Variants in ICA1 observed in about 807,000 individuals in gnomAD.
ICA1 encodes islet cell autoantigen 1.
Under a neutral mutation model 71.0 loss-of-function variants are expected in ICA1, and 40 were observed. The ratio of observed to expected loss-of-function variants is 0.56; its 90% CI spans 0.44 to 0.73. The LOEUF (loss-of-function observed/expected upper bound fraction) is 0.73. ICA1 is among the 30% of genes least tolerant of loss of function. The probability of loss-of-function intolerance (pLI) is 0.00; values close to 1 mark genes in which losing one functional copy is unlikely to be tolerated. For missense variants in ICA1, 578 were observed against 576.5 expected (o/e 1.00, Z -0.03); for synonymous variants, 207 against 209.5 (o/e 0.99, Z 0.10).
chr7:8,202,393 C>T (rs148840350), intron 6 of ICA1, among the ~76,000 whole-genome samples: 22 of 152,276 alleles, frequency 1.4e-4, no homozygotes, highest in Admixed American at 2.0e-4. Context: ...GGAGTTTTAA[C>T]GAGCCCATTC....
intron 6 of ICA1, among the ~76,000 whole-genome samples, chr7:8,201,405 C>T (rs1284036514): frequency 6.6e-6 from 1 of 152,172 alleles, no homozygotes; most frequent in Non-Finnish European, 1.5e-5. Context: ...AGGGACAAAT[C>T]CTGCCCACCC....
chr7:8,221,438 CA>C (rs776069387), intron 4 of ICA1, 40 bp from the exon 5 acceptor site: 7 of 1,605,682 alleles, frequency 4.4e-6, no homozygotes, highest in Non-Finnish European at 4.3e-6. Flanking sequence ...GAACAATGAG[CA>C]TTTTGATTGC....
At chr7:8,225,225 C>A (rs1303593727) in intron 4 of ICA1, among the ~76,000 whole-genome samples, 1 of 152,164 alleles carries the variant, frequency 6.6e-6, no homozygotes, top group African/African-American at 2.4e-5. Flanking sequence ...TTCCCTCATT[C>A]TTTCTATTAA....
At chr7:8,214,061 G>C (rs1245845656) in intron 6 of ICA1, among the ~76,000 whole-genome samples, 4 of 152,172 alleles carry the variant, frequency 2.6e-5, no homozygotes, top group Non-Finnish European at 4.4e-5. Flanking sequence ...TGGTCCGCTT[G>C]TCCTTGTCTA....
chr7:8,113,773 T>G lies in ICA1; in HGVS notation c.*150A>C. The stretch of plus-strand genomic sequence containing the variant: ...TTTATACCAAATAAGAGTAAATAAT[T>G]ATACCAATATAAACAGGGCCGTTGA... On this transcript the variant is annotated 3_prime_UTR_variant, in exon 14 of 14. Coordinates refer to ENST00000402384, the MANE Select transcript of ICA1 (RefSeq NM_001136020.3). This position sits in a 1 kb window ranked among gnomAD's most constrained non-coding sequence, Gnocchi z 4.2. 9.5e-6 allele frequency: 7 copies of G among 740,652 alleles called. No homozygotes were observed. Among genetic ancestry groups the G allele is most frequent in the Non-Finnish European group, 1.6e-5 (7 of 451,442 alleles). The allele number at this position is 740,652 out of a possible 1,614,324, so 45.9% of individuals were successfully genotyped here. A position where few individuals can be genotyped will look rare whatever the true frequency, so the allele number is the denominator to read the frequency against.
rs75343532 is a variant in ICA1, at chr7:8,142,774, C to A, written c.903-957G>T. 8.7e-3 allele frequency among the ~76,000 whole-genome samples: 1,328 copies of A among 152,292 alleles called. 13 individuals carry two copies. Among genetic ancestry groups the A allele is most frequent in the African/African-American group, 0.031 (1,276 of 41,564 alleles). On this transcript the variant is annotated intron_variant, in intron 9 of 13. Coordinates refer to ENST00000402384, the MANE Select transcript of ICA1 (RefSeq NM_001136020.3). ...GTATCTGGTTCATAGTAGGTGCTCA[C>A]TAAAATGATAGCTAGCACTATTACC...
At chr7:8,147,124 G>A (rs762660052) in intron 8 of ICA1, among the ~76,000 whole-genome samples, 4 of 152,014 alleles carry the variant, frequency 2.6e-5, no homozygotes, top group South Asian at 2.1e-4. Flanking sequence ...GCTCTCAGCC[G>A]GCCCTGTCTA....
At chr7:8,184,950 T>G (rs1783425177) in intron 6 of ICA1, among the ~76,000 whole-genome samples, 1 of 152,072 alleles carries the variant, frequency 6.6e-6, no homozygotes, top group Non-Finnish European at 1.5e-5. Context: ...GGCGTGCGCC[T>G]ATAGTCCTAG....
intron 12 of ICA1, among the ~76,000 whole-genome samples, chr7:8,135,242 G>C (rs752206225): frequency 6.6e-6 from 1 of 152,134 alleles, no homozygotes; most frequent in Non-Finnish European, 1.5e-5. Flanking sequence ...GGCAAGGCTG[G>C]TCTCGAACTC....
In ICA1 at chr7:8,128,068, T is replaced by G; in HGVS notation, c.1135A>C (p.Ile379Leu). Residue 379 changes from isoleucine to leucine, a missense_variant, in exon 13 of 14, where the codon ATC (isoleucine) becomes CTC (leucine). Ile to Leu is a conservative substitution (Grantham distance 5). Coordinates refer to ENST00000402384, the MANE Select transcript of ICA1 (RefSeq NM_001136020.3). ...DKDDLLLLSE[I>L]FNASSLEEGE... ...TCTTCCAAGGAGGAAGCATTGAAGA[T>G]CTCACTCAACAGCAGCAGGTCATCT... The G allele has an allele frequency of 6.2e-7, 1 of 1,614,178 alleles. No individual in the cohort carries two copies. The highest frequency in any genetic ancestry group is 2.2e-5 in the East Asian group (1 of 44,882).
chr7:8,139,480 A>G lies in ICA1; in HGVS notation c.956-433T>C, dbSNP rs115216051. On this transcript the variant is annotated intron_variant, in intron 10 of 13. Transcript: ENST00000402384. ...ACATTTTGGAAAAGACAAAACTATG[A>G]GGACAGTAAGAAGATCAGCATTTGC... Among the ~76,000 whole-genome samples, 803 of 152,348 alleles carry G rather than the reference A, an allele frequency of 5.3e-3. 14 individuals are homozygous for G. Among genetic ancestry groups the G allele is most frequent in the African/African-American group, 0.019 (774 of 41,576 alleles).
At chr7:8,210,695 G>C (rs376463897) in intron 6 of ICA1, among the ~76,000 whole-genome samples, 1 of 151,786 alleles carries the variant, frequency 6.6e-6, no homozygotes, top group Admixed American at 6.6e-5. Flanking sequence ...AACCATTATA[G>C]CCAAAGGAAA....
intron 6 of ICA1, among the ~76,000 whole-genome samples, chr7:8,208,323 C>T (rs771425202): frequency 1.3e-5 from 2 of 152,080 alleles, no homozygotes; most frequent in Non-Finnish European, 2.9e-5. Flanking sequence ...TATTGGCATT[C>T]GGGAAACAGT....
At chr7:8,250,367 T>C (rs1178618477) in intron 1 of ICA1, among the ~76,000 whole-genome samples, 7 of 152,216 alleles carry the variant, frequency 4.6e-5, no homozygotes, top group African/African-American at 1.7e-4. Context: ...ATTCATCAAA[T>C]CCTGTTCTCA....
intron 6 of ICA1, among the ~76,000 whole-genome samples, chr7:8,188,187 A>G (rs1784469269): frequency 6.6e-6 from 1 of 152,234 alleles, no homozygotes; most frequent in South Asian, 2.1e-4. Context: ...TCCAGTTATA[A>G]TTATCAAACT....
intron 1 of ICA1, among the ~76,000 whole-genome samples, chr7:8,240,340 G>C (rs113777374): frequency 0.035 from 5,263 of 152,222 alleles, 164 homozygotes; most frequent in African/African-American, 0.082. Context: ...CTGTTAGAAG[G>C]AAAACTAACA....
At chr7:8,210,593 C>G (rs975263350) in intron 6 of ICA1, among the ~76,000 whole-genome samples, 1 of 150,354 alleles carries the variant, frequency 6.7e-6, no homozygotes, top group Non-Finnish European at 1.5e-5. Context: ...AAATTATGCT[C>G]AAAAGACAAT....
chr7:8,122,543 C>G (rs979927139), intron 13 of ICA1, among the ~76,000 whole-genome samples: 1 of 152,242 alleles, frequency 6.6e-6, no homozygotes, highest in Admixed American at 6.5e-5. Context: ...CGTTCCATTG[C>G]CTTGTGCTGA....
In ICA1 at chr7:8,157,115, C is replaced by A; in HGVS notation, c.804+1G>T. On this transcript the variant is annotated splice_donor_variant, in intron 8 of 13. Coordinates refer to ENST00000402384, the MANE Select transcript of ICA1 (RefSeq NM_001136020.3). LOFTEE classifies it high-confidence loss of function. ...TCTAGTGGCCCCTCTAGCTTCCATA[C>A]CTTTAAAGTAGTAAATTCATATGGT... The A allele has an allele frequency of 1.2e-6, 2 of 1,614,124 alleles. No homozygotes were observed. The highest frequency in any genetic ancestry group is 1.7e-6 in the Non-Finnish European group (2 of 1,180,030).
Sources: allele counts gnomAD v4.1 joint callset (sites outside exome capture counted in the v4.1 genomes callset), GRCh38; gene constraint gnomAD v4.1.1; non-coding constraint Gnocchi (gnomAD v3.1); transcripts MANE v1.5; gene names NCBI Gene and HGNC (gene_info 2026-07-23, HGNC 2026-07-21).